Variants in AGAP1 observed in about 807,000 individuals in gnomAD.
The protein encoded by AGAP1 is arf-GAP with GTPase, ANK repeat and PH domain-containing protein 1.
Under a neutral mutation model 105.3 loss-of-function variants are expected in AGAP1, and 29 were observed. The ratio of observed to expected loss-of-function variants is 0.28; its 90% confidence interval spans 0.21 to 0.38. AGAP1 has a LOEUF of 0.38. AGAP1 is among the 10% of genes least tolerant of loss of function. AGAP1 has a pLI of 1.00. For missense variants in AGAP1, 998 were observed against 1,165.1 expected, an observed-to-expected ratio of 0.86 and a Z score of 2.09; for synonymous variants, 509 against 485.9, an observed-to-expected ratio of 1.05 and a Z score of -0.63.
intron 3 of AGAP1, among the ~76,000 whole-genome samples, chr2:235,731,518 G>A (rs952155285): frequency 6.6e-6 from 1 of 152,192 alleles, no homozygotes; most frequent in Non-Finnish European, 1.5e-5. Flanking sequence ...ATTAGGAAGA[G>A]GCCTGGCTTT....
In AGAP1 at chr2:236,125,199, T is replaced by C. The variant is rs919605193; in HGVS notation, c.*1077T>C. 6 of 158,290 alleles carry C rather than the reference T, an allele frequency of 3.8e-5. No individual in the cohort carries two copies. The highest frequency in any genetic ancestry group is 1.3e-4 in the Admixed American group (2 of 15,282). 9.8% of individuals were successfully genotyped at this position (158,290 alleles called of 1,614,324 possible). On this transcript the variant is annotated 3_prime_UTR_variant, in exon 18 of 18. Coordinates refer to ENST00000304032, the MANE Select transcript of AGAP1 (RefSeq NM_001037131.3). The surrounding 1 kb of genome is among the most constrained non-coding windows in gnomAD (Gnocchi z 5.2). ...CCAAGTCACACAGGCTTCTGTGTTATGTATTTAGATAAGATGTGTGAAAAT... is the reference window on the plus strand; with the variant it reads ...CCAAGTCACACAGGCTTCTGTGTTACGTATTTAGATAAGATGTGTGAAAAT...
chr2:235,753,008 G>A lies in AGAP1; in HGVS notation c.673+2520G>A, dbSNP rs550898831. Among the ~76,000 whole-genome samples the A allele has an allele frequency of 3.3e-5, 5 of 152,134 alleles. No individual in the cohort carries two copies. Among genetic ancestry groups the A allele is most frequent in the Admixed American group, 2.0e-4 (3 of 15,282 alleles). ...TGGAGAACAGAGGACACAAGCCCTC[G>A]CCAGTCCCTTCCCATAAAGGCACTT... On this transcript the variant is annotated intron_variant, in intron 6 of 17. Coordinates refer to ENST00000304032, the MANE Select transcript of AGAP1 (RefSeq NM_001037131.3). The surrounding 1 kb of genome is among the most constrained non-coding windows in gnomAD (Gnocchi z 4.5).
chr2:235,714,731 G>T lies in AGAP1; in HGVS notation c.223-2826G>T, dbSNP rs1038108968. 2.6e-5 allele frequency among the ~76,000 whole-genome samples: 4 copies of T among 152,070 alleles called. No individual in the cohort carries two copies. The highest frequency in any genetic ancestry group is 5.9e-5 in the Non-Finnish European group (4 of 68,024). Reference sequence around the variant, plus strand: ...ACCACGGTGGCCTGTAAATCACTGAGAACCTTTTTTCCACACTGTCATGCC... The same window carrying T: ...ACCACGGTGGCCTGTAAATCACTGATAACCTTTTTTCCACACTGTCATGCC... On this transcript the variant is annotated intron_variant, in intron 2 of 17. Coordinates refer to ENST00000304032, the MANE Select transcript of AGAP1 (RefSeq NM_001037131.3). This position sits in a 1 kb window ranked among gnomAD's most constrained non-coding sequence, Gnocchi z 4.1.
chr2:235,496,524 G>A (rs1204944569), intron 1 of AGAP1, among the ~76,000 whole-genome samples: 1 of 152,158 alleles, frequency 6.6e-6, no homozygotes, highest in Non-Finnish European at 1.5e-5. Flanking sequence ...GTTCTTCCTG[G>A]CTCTCTGGCT....
intron 1 of AGAP1, among the ~76,000 whole-genome samples, chr2:235,678,963 C>T (rs772826216): frequency 6.6e-6 from 1 of 152,212 alleles, no homozygotes; most frequent in Non-Finnish European, 1.5e-5. Flanking sequence ...TGAGTGGTGG[C>T]TGGGCATGAT....
At chr2:235,653,518 A>G (rs1947677513) in intron 1 of AGAP1, among the ~76,000 whole-genome samples, 1 of 151,912 alleles carries the variant, frequency 6.6e-6, no homozygotes, top group Admixed American at 6.6e-5. Context: ...ACATAACATA[A>G]CATAACATAA....
Position 236,087,481 on chromosome 2 carries a change from G to T in AGAP1, c.2115-32711G>T, listed in dbSNP as rs2125857717. The stretch of plus-strand genomic sequence containing the variant: ...ACACCATCTTCCCGAGAGAGCCTGT[G>T]CCCGCCCCACAGTCCCGGCTGAAAT... On this transcript the variant is annotated intron_variant, in intron 16 of 17. Transcript: ENST00000304032. This position sits in a 1 kb window ranked among gnomAD's most constrained non-coding sequence, Gnocchi z 5.7. Among the ~76,000 whole-genome samples the T allele has an allele frequency of 6.6e-6, 1 of 152,150 alleles. No homozygotes were observed. The highest frequency in any genetic ancestry group is 1.9e-4 in the East Asian group (1 of 5,186).
At chr2:235,815,419 A>G (rs1187943989) in intron 9 of AGAP1, among the ~76,000 whole-genome samples, 1 of 152,170 alleles carries the variant, frequency 6.6e-6, no homozygotes, top group Non-Finnish European at 1.5e-5. Context: ...CCATTGAATC[A>G]GGGTCCCATC....
At chr2:235,860,605 A>G (rs7596079) in intron 9 of AGAP1, among the ~76,000 whole-genome samples, 3,079 of 152,338 alleles carry the variant, frequency 0.02, 100 homozygotes, top group African/African-American at 0.064. Flanking sequence ...GATTCCAAAC[A>G]GCTCACAATT....
Position 235,877,009 on chromosome 2 carries a change from G to A in AGAP1, c.1051-6336G>A, listed in dbSNP as rs1425622627. On this transcript the variant is annotated intron_variant, in intron 9 of 17. Coordinates refer to ENST00000304032, the MANE Select transcript of AGAP1 (RefSeq NM_001037131.3). The surrounding 1 kb of genome is among the most constrained non-coding windows in gnomAD (Gnocchi z 4.3). ...ATTACAGGCATGCACCACCATGCTC[G>A]GCTAATTTTTGTATTTTTAGTAGAG... Among the ~76,000 whole-genome samples, 1 of 151,860 alleles carries A rather than the reference G, an allele frequency of 6.6e-6. No individual in the cohort carries two copies. The highest frequency in any genetic ancestry group is 1.5e-5 in the Non-Finnish European group (1 of 67,982).
At position 235,777,345 on chromosome 2, in the gene AGAP1, G is replaced by C. The variant is rs745652684; in HGVS notation, c.674-20414G>C. Among the ~76,000 whole-genome samples, 3 of 152,050 alleles carry C rather than the reference G, an allele frequency of 2.0e-5. No homozygotes were observed. The highest frequency in any genetic ancestry group is 2.1e-4 in the South Asian group (1 of 4,818). ...AGCCTGGGTGACAGAGCGAGACTCT[G>C]TCTCAAAAAAAAAGACAAAAGTGAT... On this transcript the variant is annotated intron_variant, in intron 6 of 17. Transcript: ENST00000304032. The surrounding 1 kb of genome is among the most constrained non-coding windows in gnomAD (Gnocchi z 5.1).
intron 11 of AGAP1, among the ~76,000 whole-genome samples, chr2:235,918,781 A>C (rs1331158531): frequency 1.3e-5 from 2 of 152,120 alleles, no homozygotes; most frequent in African/African-American, 4.8e-5. Context: ...GTTCCCCTGT[A>C]GTAGCTCTCT....
Position 236,129,313 on chromosome 2 carries a change from TGGGGAC to T in AGAP1, c.*5195_*5200del, listed in dbSNP as rs1304364473. On this transcript the variant is annotated 3_prime_UTR_variant, in exon 18 of 18. Coordinates refer to ENST00000304032, the MANE Select transcript of AGAP1 (RefSeq NM_001037131.3). The surrounding 1 kb of genome is among the most constrained non-coding windows in gnomAD (Gnocchi z 6.2). ...GGACAGATCTGCCCCAGCCCTGCTG[TGGGGAC>T]GGGCCCTCTATCATTTAACCACATA... 2 of 152,328 alleles carry T rather than the reference TGGGGAC, an allele frequency of 1.3e-5. No individual in the cohort carries two copies. The highest frequency in any genetic ancestry group is 2.9e-5 in the Non-Finnish European group (2 of 68,104). The allele number at this position is 152,328 out of a possible 1,614,324, so 9.4% of individuals were successfully genotyped here. A position where few individuals can be genotyped will look rare whatever the true frequency, so the allele number is the denominator to read the frequency against.
chr2:236,028,680 C>T (rs2057130997), intron 13 of AGAP1, among the ~76,000 whole-genome samples: 2 of 152,114 alleles, frequency 1.3e-5, no homozygotes, highest in South Asian at 2.1e-4. Context: ...TCTTCCTTTC[C>T]AATCTCTCGG....
Position 235,557,500 on chromosome 2 carries a change from A to G in AGAP1, c.163+62651A>G, listed in dbSNP as rs181914152. On this transcript the variant is annotated intron_variant, in intron 1 of 17. Coordinates refer to ENST00000304032, the MANE Select transcript of AGAP1 (RefSeq NM_001037131.3). The surrounding 1 kb of genome is among the most constrained non-coding windows in gnomAD (Gnocchi z 4.7). ...AAGATTCTGGCTTTTGAGAACTTAT[A>G]TAAAGAGAACTTATAAAAAATGGAA... 1.6e-4 allele frequency among the ~76,000 whole-genome samples: 25 copies of G among 152,342 alleles called. No homozygotes were observed. Among genetic ancestry groups the G allele is most frequent in the Admixed American group, 1.5e-3 (23 of 15,308 alleles).
At chr2:235,636,300 GCAGA>G (rs1321832256) in intron 1 of AGAP1, among the ~76,000 whole-genome samples, 2 of 152,070 alleles carry the variant, frequency 1.3e-5, no homozygotes, top group Admixed American at 6.6e-5. Flanking sequence ...CTGGCTGTGT[GCAGA>G]CAGACAGGAA....
intron 1 of AGAP1, among the ~76,000 whole-genome samples, chr2:235,508,278 A>T (rs1013446025): frequency 1.3e-5 from 2 of 152,212 alleles, no homozygotes; most frequent in Non-Finnish European, 2.9e-5. Flanking sequence ...TAGACACAAT[A>T]GAACAATTAT....
Position 235,724,384 on chromosome 2 carries a change from C to T in AGAP1, c.310+6740C>T, listed in dbSNP as rs1176278282. On this transcript the variant is annotated intron_variant, in intron 3 of 17. Coordinates refer to ENST00000304032, the MANE Select transcript of AGAP1 (RefSeq NM_001037131.3). The surrounding 1 kb of genome is among the most constrained non-coding windows in gnomAD (Gnocchi z 4.9). ...GGCCACACATAGGCAGCAGCTGCCC[C>T]CATGCTCTGTCCCAGAGACGGAACA... Among the ~76,000 whole-genome samples the T allele has an allele frequency of 6.6e-6, 1 of 152,238 alleles. No individual in the cohort carries two copies.
Position 235,925,570 on chromosome 2 carries a change from T to G in AGAP1, c.1325-5195T>G, listed in dbSNP as rs79666443. Among the ~76,000 whole-genome samples the G allele has an allele frequency of 3.8e-4, 58 of 152,302 alleles. No homozygotes were observed. In the East Asian group the frequency reaches 5.6e-3, roughly 15 times the overall value. ...ATTAGCCTTCCTGAACTGGCAACTT[T>G]AATGCCTGGGTAGCAAGCACTTGGG... On this transcript the variant is annotated intron_variant, in intron 11 of 17. Transcript: ENST00000304032.
Sources: gnomAD v4.1 joint callset for allele counts (sites outside exome capture counted in the v4.1 genomes callset) on GRCh38, gnomAD v4.1.1 for gene constraint, Gnocchi (gnomAD v3.1) non-coding constraint, MANE v1.5 for transcripts, NCBI Gene and HGNC (gene_info 2026-07-23, HGNC 2026-07-21) for gene names.